Variants in CCDC178 observed in about 807,000 individuals in gnomAD.
CCDC178 encodes coiled-coil domain containing 178.
CCDC178 carries 126 observed loss-of-function variants against 117.4 expected under a neutral mutation model. The ratio of observed to expected loss-of-function variants is 1.07; its 90% CI spans 0.93 to 1.24. The LOEUF (loss-of-function observed/expected upper bound fraction) is 1.24. CCDC178 is among the 50% of genes most tolerant of loss of function. The pLI is 0.00. For missense variants in CCDC178, 1,030 were observed against 986.9 expected, an observed-to-expected ratio of 1.04 and a Z score of -0.59; for synonymous variants, 283 against 313.4, an observed-to-expected ratio of 0.90 and a Z score of 1.02.
intron 21 of CCDC178, among the ~76,000 whole-genome samples, chr18:32,982,021 A>G (rs936258162): frequency 1.3e-5 from 2 of 152,174 alleles, no homozygotes; most frequent in Admixed American, 6.5e-5. Flanking sequence ...GTCAGCTTAT[A>G]CACGTGTCAT....
rs552977659 is a variant in CCDC178, at chr18:33,200,308, C to CT, written c.2238+11587dup. On this transcript the variant is annotated intron_variant, in intron 20 of 22. Coordinates refer to ENST00000383096, the MANE Select transcript of CCDC178 (RefSeq NM_001105528.4). ...CATCCTTAGGCCATTCCCAACAACT[C>CT]TAAGTGCTGACAAGATTAATGTTTC... Among the ~76,000 whole-genome samples the CT allele has an allele frequency of 1.1e-4, 17 of 152,322 alleles. No homozygotes were observed. In the East Asian group the frequency reaches 3.3e-3, roughly 29 times the overall value.
intron 6 of CCDC178, among the ~76,000 whole-genome samples, chr18:33,363,125 A>T (rs760445603): frequency 2.6e-5 from 4 of 151,786 alleles, no homozygotes; most frequent in Admixed American, 6.6e-5. Context: ...AATTTTATTT[A>T]AAAAAAACAA....
chr18:33,261,305 G>T (rs1022392685), intron 14 of CCDC178, among the ~76,000 whole-genome samples: 4 of 152,052 alleles, frequency 2.6e-5, no homozygotes, highest in Admixed American at 6.5e-5. Flanking sequence ...GGATGGTCTC[G>T]ATCTCCTGAC....
chr18:33,282,541 G>C (rs547672654), intron 12 of CCDC178, among the ~76,000 whole-genome samples: 150 of 152,080 alleles, frequency 9.9e-4, no homozygotes, highest in Non-Finnish European at 1.9e-3. Flanking sequence ...CTCGAGTGGG[G>C]CCCACACCAT....
intron 20 of CCDC178, among the ~76,000 whole-genome samples, chr18:33,170,643 A>T (rs2144421315): frequency 6.6e-6 from 1 of 152,262 alleles, no homozygotes; most frequent in Non-Finnish European, 1.5e-5. Context: ...ACATGTTAAA[A>T]TTACAAATAG....
rs79092880 is a variant in CCDC178, at chr18:32,983,741, C to T, written c.2389-9060G>A. The stretch of plus-strand genomic sequence containing the variant: ...TGTAAGTTTTCACATACTGAAAGCA[C>T]ACTGCGTTTCTCAATTTCTGACAGA... On this transcript the variant is annotated intron_variant, in intron 21 of 22. Transcript: ENST00000383096. Among the ~76,000 whole-genome samples, 1,407 of 152,118 alleles carry T rather than the reference C, an allele frequency of 9.2e-3. 23 individuals are homozygous for T. Among genetic ancestry groups the T allele is most frequent in the African/African-American group, 0.033 (1,352 of 41,538 alleles).
chr18:33,300,339 T>A (rs2062161062), intron 11 of CCDC178, among the ~76,000 whole-genome samples: 1 of 152,158 alleles, frequency 6.6e-6, no homozygotes, highest in African/African-American at 2.4e-5. Flanking sequence ...TTTATAGCAA[T>A]GCAAAAATGG....
intron 3 of CCDC178, among the ~76,000 whole-genome samples, chr18:33,403,602 G>C (rs1056397162): frequency 1.3e-5 from 2 of 151,866 alleles, no homozygotes; most frequent in African/African-American, 4.8e-5. Context: ...AATCTTGAAA[G>C]TCAGCATTCG....
At chr18:33,426,962 T>C (rs896415048) in intron 2 of CCDC178, among the ~76,000 whole-genome samples, 2 of 152,158 alleles carry the variant, frequency 1.3e-5, no homozygotes, top group African/African-American at 4.8e-5. Flanking sequence ...ACATGTATTT[T>C]AAAGAGCTTC....
rs112555300 is a variant in CCDC178, at chr18:33,355,457, C to T, written c.371+867G>A. Among the ~76,000 whole-genome samples, 457 of 152,312 alleles carry T rather than the reference C, an allele frequency of 3.0e-3. 1 individual carries two copies. Among genetic ancestry groups the T allele is most frequent in the Non-Finnish European group, 5.2e-3 (352 of 68,028 alleles). Reference sequence around the variant, plus strand: ...TTTGGTCTGTGTTAGGGTAATCCTTCGAGGCTTACCCAGGCTGTTTAAACC... The same window carrying T: ...TTTGGTCTGTGTTAGGGTAATCCTTTGAGGCTTACCCAGGCTGTTTAAACC... On this transcript the variant is annotated intron_variant, in intron 7 of 22. Transcript: ENST00000383096.
intron 21 of CCDC178, among the ~76,000 whole-genome samples, chr18:33,078,809 G>A (rs2057251979): frequency 6.6e-6 from 1 of 152,148 alleles, no homozygotes; most frequent in Non-Finnish European, 1.5e-5. Flanking sequence ...AACATTACAT[G>A]CTCATGGATA....
chr18:33,341,823 C>T (rs1288550045), intron 9 of CCDC178, among the ~76,000 whole-genome samples: 2 of 151,964 alleles, frequency 1.3e-5, no homozygotes, highest in African/African-American at 4.8e-5. Context: ...TCTTTATCAG[C>T]AGTATGAAAA....
intron 21 of CCDC178, among the ~76,000 whole-genome samples, chr18:33,072,162 G>A (rs2057120279): frequency 6.6e-6 from 1 of 152,018 alleles, no homozygotes; most frequent in Non-Finnish European, 1.5e-5. Context: ...TGAATTCAGA[G>A]AGAAAATTTG....
At chr18:33,269,580 G>A (rs942035661) in intron 12 of CCDC178, among the ~76,000 whole-genome samples, 5 of 151,784 alleles carry the variant, frequency 3.3e-5, no homozygotes, top group African/African-American at 1.2e-4. Flanking sequence ...CAAAGACAGA[G>A]ATAAATTTTT....
At chr18:33,357,305 G>T (rs954252123) in intron 6 of CCDC178, among the ~76,000 whole-genome samples, 3 of 152,018 alleles carry the variant, frequency 2.0e-5, no homozygotes, top group Non-Finnish European at 4.4e-5. Flanking sequence ...CCTCTAAATT[G>T]ATTAAGACCT....
At chr18:33,194,396 T>C (rs990123625) in intron 20 of CCDC178, among the ~76,000 whole-genome samples, 3 of 152,160 alleles carry the variant, frequency 2.0e-5, no homozygotes, top group African/African-American at 7.2e-5. Flanking sequence ...TACTGACATG[T>C]GGTGCCTGAG....
intron 20 of CCDC178, among the ~76,000 whole-genome samples, chr18:33,201,297 GAT>G (rs1441348961): frequency 6.6e-6 from 1 of 152,136 alleles, no homozygotes; most frequent in Non-Finnish European, 1.5e-5. Flanking sequence ...TACATTCCTT[GAT>G]TACTAAAGCC....
At chr18:32,983,711 CTTG>C (rs780371323) in intron 21 of CCDC178, among the ~76,000 whole-genome samples, 1 of 152,014 alleles carries the variant, frequency 6.6e-6, no homozygotes, top group Non-Finnish European at 1.5e-5. Context: ...TTTCAATCTG[CTTG>C]TTGTAAGTTT....
intron 2 of CCDC178, among the ~76,000 whole-genome samples, chr18:33,429,011 T>A (rs1389875285): frequency 2.6e-5 from 2 of 77,740 alleles, no homozygotes; most frequent in African/African-American, 4.1e-5. Context: ...ATCAAATAGA[T>A]TAAAAGTTTA....
Sources: allele counts gnomAD v4.1 joint callset (sites outside exome capture counted in the v4.1 genomes callset), GRCh38; gene constraint gnomAD v4.1.1; transcripts MANE v1.5; gene names NCBI Gene and HGNC (gene_info 2026-07-23, HGNC 2026-07-21).